The following SAMD12 variants were observed in gnomAD, a reference collection of about 807,000 sequenced individuals.
SAMD12 encodes sterile alpha motif domain containing 12, also known as sterile alpha motif domain-containing protein 12.
Under a neutral mutation model 15.0 loss-of-function variants are expected in SAMD12, and 9 were observed. That is an observed-to-expected ratio of 0.60 (90% CI 0.36 to 1.05). SAMD12 has a LOEUF of 1.05. Among genes scored for constraint, SAMD12 ranks in the 50% least tolerant of loss-of-function variants. The probability of loss-of-function intolerance (pLI) is 0.01; values close to 1 mark genes in which losing one functional copy is unlikely to be tolerated. For missense variants in SAMD12, 230 were observed against 234.2 expected (o/e 0.98, Z 0.12); for synonymous variants, 86 against 90.1 (o/e 0.96, Z 0.25).
rs372666478 is a variant in SAMD12 at position 118,205,820 on chromosome 8, G to A, written c.434-8088C>T. Among the ~76,000 whole-genome samples, 15 of 152,274 alleles carry A rather than the reference G, an allele frequency of 9.9e-5. No individual in the cohort carries two copies. The South Asian group carries it at 2.1e-3, about 21-fold the overall frequency. ...CTCTGGGGAGTTTTGAAGGGTTCTC[G>A]TGACAAGTGAAGGTCCCAACCAACA... On this transcript the variant is annotated intron_variant, in intron 4 of 4. Transcript: ENST00000409003.
chr8:118,282,335 G>T, intron 4 of SAMD12: 1 of 456,248 alleles, frequency 2.2e-6, no homozygotes, highest in Non-Finnish European at 4.4e-6. Context: ...CTCAAGGTAG[G>T]TAAAGGCTTT....
intron 4 of SAMD12, among the ~76,000 whole-genome samples, chr8:118,273,700 C>T (rs1178460621): frequency 1.3e-5 from 2 of 152,024 alleles, no homozygotes; most frequent in East Asian, 3.9e-4. Context: ...GAAGGCAGGG[C>T]GGAGGGGTTG....
chr8:118,590,775 C>A (rs929995533), intron 1 of SAMD12, among the ~76,000 whole-genome samples: 1 of 152,006 alleles, frequency 6.6e-6, no homozygotes, highest in Non-Finnish European at 1.5e-5. Context: ...AACTGAAAGA[C>A]AAAAGACAAT....
At chr8:118,370,759 G>A (rs908797709) in intron 4 of SAMD12, among the ~76,000 whole-genome samples, 1 of 152,002 alleles carries the variant, frequency 6.6e-6, no homozygotes, top group African/African-American at 2.4e-5. Context: ...ACAGGGAGGG[G>A]AACAACACAC....
At chr8:118,397,058 G>A (rs1322244669) in intron 3 of SAMD12, among the ~76,000 whole-genome samples, 2 of 152,138 alleles carry the variant, frequency 1.3e-5, no homozygotes, top group Non-Finnish European at 2.9e-5. Flanking sequence ...AATACTTGTG[G>A]TTTGGACATG....
At chr8:118,136,566 G>A in the SAMD12 span, among the ~76,000 whole-genome samples, 7 of 152,192 alleles carry the variant, frequency 4.6e-5, no homozygotes, top group Admixed American at 2.0e-4. Context: ...CACCTCCTTA[G>A]ATGGGAAAGA....
intron 2 of SAMD12, among the ~76,000 whole-genome samples, chr8:118,569,808 CTT>C (rs1586826044): frequency 6.6e-6 from 1 of 152,186 alleles, no homozygotes; most frequent in African/African-American, 2.4e-5. Context: ...ATAAATGTCT[CTT>C]GTTTAAGCTA....
intron 4 of SAMD12, among the ~76,000 whole-genome samples, chr8:118,205,207 C>T (rs1218653452): frequency 6.6e-6 from 1 of 152,228 alleles, no homozygotes; most frequent in African/African-American, 2.4e-5. Context: ...CCTGGATCTC[C>T]AGTTTGCAAA....
exon 5 of SAMD12, chr8:118,195,346 T>G (rs1198656668): frequency 6.6e-6 from 1 of 152,168 alleles, no homozygotes; most frequent in Non-Finnish European, 1.5e-5. Context: ...GACTCAACTG[T>G]GTGTCCCCTG....
At chr8:118,447,611 A>C in intron 2 of SAMD12, among the ~76,000 whole-genome samples, 1 of 150,096 alleles carries the variant, frequency 6.7e-6, no homozygotes, top group Non-Finnish European at 1.5e-5. Flanking sequence ...CCTTCAATTG[A>C]AATCTTTAAA....
chr8:118,188,105 G>A (rs376754860), downstream of SAMD12, among the ~76,000 whole-genome samples: 1 of 151,862 alleles, frequency 6.6e-6, no homozygotes, highest in East Asian at 1.9e-4. Context: ...GGAGGGCAAA[G>A]GAGATGAGAT....
intron 4 of SAMD12, among the ~76,000 whole-genome samples, chr8:118,241,192 G>A (rs1213296188): frequency 1.3e-5 from 2 of 152,136 alleles, no homozygotes; most frequent in Non-Finnish European, 1.5e-5. Context: ...AGAGTGATTA[G>A]AAACTTCTTC....
At chr8:118,233,472 G>T (rs1812358393) in intron 4 of SAMD12, among the ~76,000 whole-genome samples, 1 of 152,136 alleles carries the variant, frequency 6.6e-6, no homozygotes, top group Admixed American at 6.6e-5. Context: ...AAAATCTCAG[G>T]TCTACCTCTT....
chr8:118,172,164 T>A, the SAMD12 span, among the ~76,000 whole-genome samples: 1 of 152,010 alleles, frequency 6.6e-6, no homozygotes, highest in South Asian at 2.1e-4. Context: ...AAATGACGAG[T>A]TAATGGGTGA....
chr8:118,341,144 C>T (rs571928482), intron 4 of SAMD12, among the ~76,000 whole-genome samples: 1 of 152,170 alleles, frequency 6.6e-6, no homozygotes, highest in Admixed American at 6.5e-5. Context: ...TCTTTCTCCA[C>T]ATGGTGTTTC....
chr8:118,378,517 CT>C lies in SAMD12; in HGVS notation c.*899del. On this transcript the variant is annotated 3_prime_UTR_variant, in exon 4 of 4. Coordinates refer to ENST00000314727, the MANE Select transcript of SAMD12 (RefSeq NM_207506.3). ...ATATTTATCCTTCTAGAATAGTCAT[CT>C]TTCAGGGAGCACATTATTTCCTCTA... 2.0e-6 allele frequency: 2 copies of C among 984,396 alleles called. No homozygotes were observed. Among genetic ancestry groups the C allele is most frequent in the Non-Finnish European group, 2.4e-6 (2 of 829,024 alleles). 61.0% of individuals were successfully genotyped at this position (984,396 alleles called of 1,614,324 possible). A position where few individuals can be genotyped will look rare whatever the true frequency, so the allele number is the denominator to read the frequency against.
intron 4 of SAMD12, among the ~76,000 whole-genome samples, chr8:118,292,831 C>T (rs1814481375): frequency 6.9e-6 from 1 of 144,388 alleles, no homozygotes; most frequent in Admixed American, 7.4e-5. Context: ...TATTCTCACT[C>T]ATAGGTGGGA....
At chr8:118,245,377 G>A (rs533716508) in intron 4 of SAMD12, among the ~76,000 whole-genome samples, 4 of 152,098 alleles carry the variant, frequency 2.6e-5, no homozygotes, top group East Asian at 3.9e-4. Flanking sequence ...TAGGCCTACC[G>A]GTAATATAGT....
At chr8:118,494,007 C>T (rs1824527107) in intron 2 of SAMD12, among the ~76,000 whole-genome samples, 3 of 152,190 alleles carry the variant, frequency 2.0e-5, no homozygotes, top group Admixed American at 1.3e-4. Context: ...TTCTCGAAAG[C>T]TGGTGCCATG....
Sources: allele counts gnomAD v4.1 joint callset (sites outside exome capture counted in the v4.1 genomes callset), GRCh38; gene constraint gnomAD v4.1.1; transcripts MANE v1.5; gene names NCBI Gene and HGNC (gene_info 2026-07-23, HGNC 2026-07-21).